The following SEZ6L variants were observed in gnomAD, a reference collection of about 807,000 sequenced individuals.
SEZ6L encodes the protein seizure 6-like protein.
A neutral mutation model predicts 106.2 loss-of-function variants in SEZ6L; 37 were observed. The observed-to-expected ratio is 0.35, with a 90% confidence interval of 0.27 to 0.46. The LOEUF (loss-of-function observed/expected upper bound fraction) is 0.46, where lower values mean the gene tolerates loss of function less well. SEZ6L is among the 20% of genes least tolerant of loss of function. The pLI is 1.00. For synonymous variants in SEZ6L, 541 were observed against 570.4 expected (o/e 0.95, Z 0.73); for missense variants, 1,172 against 1,332.8 (o/e 0.88, Z 1.88).
At chr22:26,204,096 T>C (rs968151981) in intron 1 of SEZ6L, among the ~76,000 whole-genome samples, 18 of 152,214 alleles carry the variant, frequency 1.2e-4, no homozygotes, top group African/African-American at 4.3e-4. Flanking sequence ...AGGAAAGTAC[T>C]CTTCCATTCC....
chr22:26,355,545 A>G (rs1232693684), intron 12 of SEZ6L, among the ~76,000 whole-genome samples: 2 of 152,202 alleles, frequency 1.3e-5, no homozygotes, highest in Non-Finnish European at 2.9e-5. Flanking sequence ...TGTGGCCAAC[A>G]TGGTGAAACC....
chr22:26,351,540 T>TGTAG, intron 12 of SEZ6L: 1 of 237,186 alleles, frequency 4.2e-6, no homozygotes, highest in Non-Finnish European at 7.9e-6. Context: ...TTTGTTTGTT[T>TGTAG]GTTTGTTGGT....
intron 1 of SEZ6L, among the ~76,000 whole-genome samples, chr22:26,238,977 C>G (rs1025069775): frequency 3.9e-5 from 6 of 152,210 alleles, no homozygotes; most frequent in Non-Finnish European, 7.3e-5. Flanking sequence ...AATCTCAACA[C>G]TTTGGGAGGC....
intron 1 of SEZ6L, among the ~76,000 whole-genome samples, chr22:26,271,245 A>T (rs1187174582): frequency 6.6e-6 from 1 of 152,238 alleles, no homozygotes; most frequent in African/African-American, 2.4e-5. Context: ...TCTGCTGGTT[A>T]CAGCATCATA....
intron 6 of SEZ6L, among the ~76,000 whole-genome samples, chr22:26,308,380 T>A (rs1164236240): frequency 3.3e-5 from 5 of 150,904 alleles, no homozygotes; most frequent in Non-Finnish European, 1.5e-5. Flanking sequence ...GAAAGAGATC[T>A]GGGAAGCTAG....
In SEZ6L at chr22:26,311,792, A is replaced by T. The variant is rs773767877; in HGVS notation, c.1706A>T (p.Glu569Val). 10 of 1,614,056 alleles carry T rather than the reference A, an allele frequency of 6.2e-6. No individual in the cohort carries two copies. The South Asian group carries it at 1.1e-4, about 18-fold the overall frequency. Residue 569 changes from glutamate (E) to valine (V), a missense_variant, in exon 8 of 17, where the codon GAG (glutamate) becomes GTG (valine). Physicochemically the swap from Glu to Val is moderately radical, Grantham distance 121. Transcript: ENST00000248933. ...FEAFEKGHCYEPYIQNGNFTT... is the reference protein window; with the variant it reads ...FEAFEKGHCYVPYIQNGNFTT... ...GCGTTTGAGAAAGGCCACTGCTATG[A>T]GCCCTACATCCAGAATGGGAACTTC...
intron 1 of SEZ6L, among the ~76,000 whole-genome samples, chr22:26,211,043 T>G (rs1446285476): frequency 1.3e-5 from 2 of 152,164 alleles, no homozygotes; most frequent in African/African-American, 2.4e-5. Flanking sequence ...TCCGCATTTT[T>G]TGCCAGCCTT....
chr22:26,355,032 G>A (rs2083398565), intron 12 of SEZ6L, among the ~76,000 whole-genome samples: 1 of 152,232 alleles, frequency 6.6e-6, no homozygotes, highest in African/African-American at 2.4e-5. Context: ...TAAGAGGGAG[G>A]ATGCAGTCTA....
At chr22:26,297,154 T>A in intron 4 of SEZ6L, 74 bp downstream of exon 4, 4 of 1,313,920 alleles carry the variant, frequency 3.0e-6, no homozygotes, top group Non-Finnish European at 4.1e-6. Flanking sequence ...ATTTTAAAAC[T>A]TTTTGTGCCA....
At chr22:26,318,614 T>A (rs2082071715) in intron 9 of SEZ6L, among the ~76,000 whole-genome samples, 1 of 152,188 alleles carries the variant, frequency 6.6e-6, no homozygotes, top group Non-Finnish European at 1.5e-5. Flanking sequence ...TTGTATTATT[T>A]GTTCTTTGGA....
At chr22:26,314,500 G>A (rs1017196158) in intron 9 of SEZ6L, among the ~76,000 whole-genome samples, 5 of 152,216 alleles carry the variant, frequency 3.3e-5, no homozygotes, top group Non-Finnish European at 7.3e-5. Context: ...TAGACCAGAA[G>A]GTCCTCTCCT....
Position 26,177,351 on chromosome 22 carries a change from A to G in SEZ6L, c.94+7588A>G, listed in dbSNP as rs532537724. Reference sequence around the variant, plus strand: ...GTGGGAGGAGAGAAATACACTTTGTAAAGAGAAAAGAAAAAACCTTTGTGC... The same window carrying G: ...GTGGGAGGAGAGAAATACACTTTGTGAAGAGAAAAGAAAAAACCTTTGTGC... On this transcript the variant is annotated intron_variant, in intron 1 of 16. Transcript: ENST00000248933. Among the ~76,000 whole-genome samples the G allele has an allele frequency of 3.3e-5, 5 of 152,372 alleles. No homozygotes were observed. The South Asian group carries it at 8.3e-4, about 25-fold the overall frequency.
At chr22:26,233,935 G>A (rs1387855986) in intron 1 of SEZ6L, among the ~76,000 whole-genome samples, 1 of 152,226 alleles carries the variant, frequency 6.6e-6, no homozygotes, top group African/African-American at 2.4e-5. Context: ...GCAAGCACCA[G>A]ATGGAGGACC....
intron 1 of SEZ6L, among the ~76,000 whole-genome samples, chr22:26,219,510 A>G (rs1014927474): frequency 4.6e-5 from 7 of 152,174 alleles, no homozygotes. Context: ...TCAGACTTCA[A>G]GAACCTATTT....
chr22:26,328,046 G>A (rs76869192), intron 9 of SEZ6L, among the ~76,000 whole-genome samples: 248 of 152,330 alleles, frequency 1.6e-3, no homozygotes, highest in African/African-American at 5.7e-3. Flanking sequence ...GTGGGGAAAT[G>A]GGGAAAGTGT....
At chr22:26,358,291 T>C (rs764135064) in intron 12 of SEZ6L, among the ~76,000 whole-genome samples, 5 of 152,226 alleles carry the variant, frequency 3.3e-5, no homozygotes, top group Non-Finnish European at 7.3e-5. Flanking sequence ...CGTCCAGGTT[T>C]GTACCCCAGC....
At chr22:26,212,431 AT>A (rs1478293158) in intron 1 of SEZ6L, among the ~76,000 whole-genome samples, 4 of 152,074 alleles carry the variant, frequency 2.6e-5, no homozygotes, top group African/African-American at 4.8e-5. Context: ...TTTTAAAAAA[AT>A]TTTTTTCTGA....
At chr22:26,355,500 A>G (rs562601054) in intron 12 of SEZ6L, among the ~76,000 whole-genome samples, 63 of 152,330 alleles carry the variant, frequency 4.1e-4, no homozygotes, top group African/African-American at 1.4e-3. Flanking sequence ...AGGCTGAGGC[A>G]GGAGGATCAC....
At chr22:26,366,158 C>A (rs1455814575) in intron 13 of SEZ6L, among the ~76,000 whole-genome samples, 1 of 151,550 alleles carries the variant, frequency 6.6e-6, no homozygotes, top group Non-Finnish European at 1.5e-5. Flanking sequence ...ATGGTGAAAC[C>A]CCATCTCTAC....
Sources: allele counts gnomAD v4.1 joint callset (sites outside exome capture counted in the v4.1 genomes callset), GRCh38; gene constraint gnomAD v4.1.1; transcripts MANE v1.5; gene names NCBI Gene and HGNC (gene_info 2026-07-23, HGNC 2026-07-21).